GLDN: variants seen among roughly 807,000 people sequenced by gnomAD.
GLDN encodes collomin.
GLDN carries 47 observed loss-of-function variants against 56.5 expected under a neutral mutation model. The ratio of observed to expected loss-of-function variants is 0.83; its 90% CI spans 0.66 to 1.06. The LOEUF is 1.06. Ranked by LOEUF, GLDN falls within the 50% of genes least tolerant of loss-of-function variation. The pLI, the probability that GLDN is intolerant of heterozygous loss-of-function variation, is 0.00. For synonymous variants in GLDN, 332 were observed against 278.8 expected, an observed-to-expected ratio of 1.19 and a Z score of -1.90; for missense variants, 782 against 714.3, an observed-to-expected ratio of 1.09 and a Z score of -1.08.
rs186011986 is a variant in GLDN, at chr15:51,383,773, G to A, written c.434-12G>A. 3 of 1,557,742 alleles carry A rather than the reference G, an allele frequency of 1.9e-6. No homozygotes were observed. The highest frequency in any genetic ancestry group is 1.4e-5 in the African/African-American group (1 of 71,706). On this transcript the variant is annotated splice_polypyrimidine_tract_variant and intron_variant, in intron 3 of 9. Transcript: ENST00000335449. ...TTTTGGTTAATGTCCCTGTTTCTGT[G>A]TTTTGATGCAGGACCTCCGGGAGCC...
At chr15:51,371,745 C>G (rs1307377451) in intron 1 of GLDN, among the ~76,000 whole-genome samples, 8 of 152,098 alleles carry the variant, frequency 5.3e-5, no homozygotes, top group African/African-American at 1.9e-4. Flanking sequence ...TGCAGTGGCT[C>G]GATCTCAGCT....
intron 4 of GLDN, among the ~76,000 whole-genome samples, chr15:51,390,966 G>A (rs141450052): frequency 2.6e-5 from 4 of 152,198 alleles, no homozygotes; most frequent in African/African-American, 7.2e-5. Flanking sequence ...GCCACACACA[G>A]GTTCCTGATG....
At chr15:51,392,546 A>T (rs2038045290) in intron 4 of GLDN, among the ~76,000 whole-genome samples, 1 of 152,224 alleles carries the variant, frequency 6.6e-6, no homozygotes, top group African/African-American at 2.4e-5. Flanking sequence ...AATAAAATTC[A>T]CAATAAATGC....
chr15:51,375,449 A>G (rs1185190706), intron 1 of GLDN, among the ~76,000 whole-genome samples: 1 of 152,248 alleles, frequency 6.6e-6, no homozygotes, highest in Non-Finnish European at 1.5e-5. Context: ...AAAGTATGTT[A>G]TATGTGCTGC....
chr15:51,379,752 G>C (rs540702828), intron 2 of GLDN, among the ~76,000 whole-genome samples: 1 of 152,204 alleles, frequency 6.6e-6, no homozygotes, highest in African/African-American at 2.4e-5. Flanking sequence ...TTCTGGTTAG[G>C]AGTGTGGGAT....
chr15:51,362,952 GAGAGGGGAA>G (rs2037329395), intron 1 of GLDN, among the ~76,000 whole-genome samples: 1 of 121,232 alleles, frequency 8.2e-6, no homozygotes, highest in African/African-American at 3.2e-5. Flanking sequence ...AATGTGATGT[GAGAGGGGAA>G]AAAAATAGAG....
chr15:51,365,099 G>A (rs540252301), intron 1 of GLDN, among the ~76,000 whole-genome samples: 25 of 152,322 alleles, frequency 1.6e-4, no homozygotes, highest in Middle Eastern at 3.4e-3. Flanking sequence ...AGACTAGCTG[G>A]GAAAAGTATT....
chr15:51,383,886 A>G lies in GLDN; in HGVS notation c.535A>G (p.Lys179Glu). ...GEKGANGKRG[K>E]MGIPGAAGNP... is the part of the protein sequence containing the mutation. ...AAAAGGAGCAAATGGAAAAAGAGGA[A>G]AAATGGGTATTTTTGGCAACTCTTC... The change falls in exon 4 of 10, where the codon AAA (lysine) becomes GAA (glutamate). Residue 179 changes from lysine (K) to glutamate (E), a missense_variant. Physicochemically the swap from Lys to Glu is moderately conservative, Grantham distance 56 (BLOSUM62 1). Coordinates refer to ENST00000335449, the MANE Select transcript of GLDN (RefSeq NM_181789.4). The G allele has an allele frequency of 6.2e-7, 1 of 1,603,918 alleles. No individual in the cohort carries two copies. Among genetic ancestry groups the G allele is most frequent in the Non-Finnish European group, 8.5e-7 (1 of 1,174,244 alleles).
chr15:51,394,828 T>TGG lies in GLDN; in HGVS notation c.542-6_542-5dup, dbSNP rs1465204016. The TGG allele has an allele frequency of 6.2e-7, 1 of 1,613,932 alleles. No homozygotes were observed. The highest frequency in any genetic ancestry group is 1.7e-5 in the Admixed American group (1 of 59,990). On this transcript the variant is annotated splice_region_variant and splice_polypyrimidine_tract_variant and intron_variant, in intron 4 of 9. Coordinates refer to ENST00000335449, the MANE Select transcript of GLDN (RefSeq NM_181789.4). ...TAGGCTAATATGTCTTTTGTTTTTTTGGTCAGGGATACCTGGAGCTGCAGG... is the reference window on the plus strand; with the variant it reads ...TAGGCTAATATGTCTTTTGTTTTTTTGGGGTCAGGGATACCTGGAGCTGCAGG...
At chr15:51,391,233 G>T (rs1429187978) in intron 4 of GLDN, among the ~76,000 whole-genome samples, 1 of 152,164 alleles carries the variant, frequency 6.6e-6, no homozygotes, top group Non-Finnish European at 1.5e-5. Context: ...ACCCTGTGGG[G>T]GGCGCATTAC....
chr15:51,386,249 G>A (rs1460307342), intron 4 of GLDN, among the ~76,000 whole-genome samples: 3 of 152,164 alleles, frequency 2.0e-5, no homozygotes, highest in Non-Finnish European at 4.4e-5. Context: ...AGGCCCCCAT[G>A]AGGAGTTCAT....
intron 1 of GLDN, chr15:51,360,112 G>A (rs1346220767): frequency 2.0e-5 from 3 of 152,158 alleles, no homozygotes; most frequent in Non-Finnish European, 4.4e-5. Flanking sequence ...GTCTGCCCTG[G>A]GCCCCGAGCA....
intron 2 of GLDN, among the ~76,000 whole-genome samples, chr15:51,378,964 T>C (rs2037695576): frequency 6.6e-6 from 1 of 152,148 alleles, no homozygotes; most frequent in Non-Finnish European, 1.5e-5. Context: ...GAACCTGGGC[T>C]TGGGGACTGG....
At chr15:51,356,162 G>C (rs182585292) in intron 1 of GLDN, among the ~76,000 whole-genome samples, 1 of 150,632 alleles carries the variant, frequency 6.6e-6, no homozygotes, top group Non-Finnish European at 1.5e-5. Context: ...AGCCGAAATC[G>C]CGCCACTGCA....
In GLDN at chr15:51,401,692, T is replaced by C; in HGVS notation, c.1127T>C (p.Val376Ala). The change falls in exon 9 of 10, where the codon GTT becomes GCT. Residue 376 changes from valine (V) to alanine (A), a missense_variant. By Grantham distance (64) the Val-to-Ala change is moderately conservative (BLOSUM62 0). Coordinates refer to ENST00000335449, the MANE Select transcript of GLDN (RefSeq NM_181789.4). ...TATTTCCATGGCTGTGGGCACGTTG[T>C]TTACAACAACTCTCTCTACTACCAC... Reference protein sequence around the residue: ...PYYFHGCGHVVYNNSLYYHKG... With the variant: ...PYYFHGCGHVAYNNSLYYHKG... 6.2e-7 allele frequency: 1 copy of C among 1,614,202 alleles called. No homozygotes were observed. The highest frequency in any genetic ancestry group is 8.5e-7 in the Non-Finnish European group (1 of 1,180,012).
At chr15:51,385,302 G>A (rs770408578) in intron 4 of GLDN, 1 of 152,244 alleles carries the variant, frequency 6.6e-6, no homozygotes, top group Non-Finnish European at 1.5e-5. Flanking sequence ...AGCTGGGTGT[G>A]GGGCACGTAG....
intron 4 of GLDN, among the ~76,000 whole-genome samples, chr15:51,389,879 G>T (rs1273754085): frequency 1.3e-5 from 2 of 152,122 alleles, no homozygotes. Context: ...AAGGTCAGGG[G>T]GTTCAGCTCC....
At chr15:51,366,879 GAA>G (rs75751773) in intron 1 of GLDN, among the ~76,000 whole-genome samples, 18 of 145,408 alleles carry the variant, frequency 1.2e-4, no homozygotes, top group Non-Finnish European at 1.8e-4. Flanking sequence ...GACCCTGTCT[GAA>G]AAAAAAAAAG....
intron 5 of GLDN, among the ~76,000 whole-genome samples, chr15:51,396,158 C>G (rs907822111): frequency 6.6e-6 from 1 of 152,188 alleles, no homozygotes; most frequent in African/African-American, 2.4e-5. Context: ...GCAACCTTAA[C>G]TTAACCCAAA....
Sources: gnomAD v4.1 joint callset for allele counts (sites outside exome capture counted in the v4.1 genomes callset) on GRCh38, gnomAD v4.1.1 for gene constraint, MANE v1.5 for transcripts, NCBI Gene and HGNC (gene_info 2026-07-23, HGNC 2026-07-21) for gene names.